Variants in APOBEC1 observed in about 807,000 individuals in gnomAD.
APOBEC1 encodes C->U-editing enzyme APOBEC-1.
APOBEC1 carries 22 observed loss-of-function variants against 26.3 expected under a neutral mutation model. The ratio of observed to expected loss-of-function variants is 0.84; its 90% CI spans 0.60 to 1.19. The LOEUF (loss-of-function observed/expected upper bound fraction) is 1.19, where lower values mean the gene tolerates loss of function less well. APOBEC1 is among the 50% of genes most tolerant of loss of function. APOBEC1 has a pLI of 0.00. For missense variants in APOBEC1, 253 were observed against 289.0 expected, an observed-to-expected ratio of 0.88 and a Z score of 0.90; for synonymous variants, 77 against 95.3, an observed-to-expected ratio of 0.81 and a Z score of 1.12.
In APOBEC1 at chr12:7,656,015, T is replaced by C. The variant is rs768522008; in HGVS notation, c.17-1383A>G. Among the ~76,000 whole-genome samples the C allele has an allele frequency of 1.6e-4, 24 of 152,246 alleles. 1 individual carries two copies. The South Asian group carries it at 4.3e-3, about 28-fold the overall frequency. On this transcript the variant is annotated intron_variant, in intron 1 of 4. Coordinates refer to ENST00000229304, the MANE Select transcript of APOBEC1 (RefSeq NM_001644.5). The stretch of plus-strand genomic sequence containing the variant: ...AAATTTTATTTCATTTGTTATTTTT[T>C]TTGTGGAGGCGTGTTCTCTCTGTGT...
intron 1 of APOBEC1, 27 bp downstream of exon 1, chr12:7,665,830 C>G: frequency 1.3e-6 from 2 of 1,588,040 alleles, no homozygotes; most frequent in Non-Finnish European, 1.7e-6. Context: ...TTCAAGAATA[C>G]TTGCCAAGCC....
At chr12:7,662,249 C>T (rs934049454) in intron 1 of APOBEC1, among the ~76,000 whole-genome samples, 2 of 151,832 alleles carry the variant, frequency 1.3e-5, no homozygotes, top group Non-Finnish European at 2.9e-5. Flanking sequence ...GGCGACAGAG[C>T]AAGACGTTGT....
intron 1 of APOBEC1, among the ~76,000 whole-genome samples, chr12:7,665,299 T>A (rs1281954755): frequency 1.3e-5 from 2 of 151,690 alleles, no homozygotes; most frequent in Non-Finnish European, 2.9e-5. Context: ...TTTACTTAAC[T>A]TTTTTTTTAT....
At chr12:7,668,421 C>G (rs1289902525), upstream of APOBEC1, among the ~76,000 whole-genome samples, 1 of 152,084 alleles carries the variant, frequency 6.6e-6, no homozygotes, top group African/African-American at 2.4e-5. Flanking sequence ...GGACATGCTC[C>G]CAGGAAGTAA....
intron 1 of APOBEC1, 58 bp downstream of exon 1, chr12:7,665,799 A>ACACACACACC (rs1863884801): frequency 7.3e-7 from 1 of 1,361,798 alleles, no homozygotes; most frequent in African/African-American, 1.6e-5. Context: ...ACACACACAC[A>ACACACACACC]CACACACCAT....
chr12:7,655,379 G>A (rs1863698777), intron 1 of APOBEC1, among the ~76,000 whole-genome samples: 2 of 151,460 alleles, frequency 1.3e-5, no homozygotes, highest in African/African-American at 4.9e-5. Flanking sequence ...GCTGGGCGTG[G>A]TGGCGCATGC....
chr12:7,652,915 TTTTTA>T (rs1555093598), intron 2 of APOBEC1, 80 bp from the exon 3 acceptor site: 100,254 of 855,986 alleles, frequency 0.12, 5,404 homozygotes, highest in African/African-American at 0.28. Flanking sequence ...CCCTCTTCTT[TTTTTA>T]TTTTATTTTA....
chr12:7,660,469 G>A (rs1863801362), intron 1 of APOBEC1, among the ~76,000 whole-genome samples: 2 of 151,802 alleles, frequency 1.3e-5, no homozygotes, highest in South Asian at 4.2e-4. Context: ...CACTTTGGGA[G>A]GCCTAGGTGG....
chr12:7,664,148 C>G (rs1453991649), intron 1 of APOBEC1, among the ~76,000 whole-genome samples: 2 of 152,102 alleles, frequency 1.3e-5, no homozygotes, highest in South Asian at 2.1e-4. Context: ...AGCCATCACA[C>G]CTGACCTTAA....
upstream of APOBEC1, among the ~76,000 whole-genome samples, chr12:7,666,129 C>G (rs1418218695): frequency 3.3e-5 from 5 of 152,144 alleles, no homozygotes; most frequent in African/African-American, 1.2e-4. Flanking sequence ...GGGTGGATCA[C>G]TGGGTACCAA....
At chr12:7,654,157 A>G (rs191956339) in intron 2 of APOBEC1, among the ~76,000 whole-genome samples, 23 of 152,318 alleles carry the variant, frequency 1.5e-4, no homozygotes, top group Admixed American at 1.4e-3. Context: ...TAATGGCTAT[A>G]AAAGCATGCG....
chr12:7,666,815 G>C (rs1425711503), upstream of APOBEC1, among the ~76,000 whole-genome samples: 1 of 151,988 alleles, frequency 6.6e-6, no homozygotes, highest in Non-Finnish European at 1.5e-5. Flanking sequence ...AAATGAGAAG[G>C]ACCTTGGCCT....
chr12:7,652,015 G>A (rs1227777473), intron 3 of APOBEC1, among the ~76,000 whole-genome samples: 3 of 152,008 alleles, frequency 2.0e-5, no homozygotes, highest in Non-Finnish European at 4.4e-5. Context: ...GTAGAGACGG[G>A]GTTTCACCGT....
chr12:7,659,322 AATAT>A (rs1328982852), intron 1 of APOBEC1, among the ~76,000 whole-genome samples: 879 of 46,218 alleles, frequency 0.019, 27 homozygotes, highest in Middle Eastern at 0.058. Flanking sequence ...AAAAAAAAAA[AATAT>A]ATATATATAT....
upstream of APOBEC1, among the ~76,000 whole-genome samples, chr12:7,668,279 G>A (rs528469186): frequency 1.3e-5 from 2 of 152,172 alleles, no homozygotes; most frequent in Non-Finnish European, 2.9e-5. Flanking sequence ...CTACCCTGAT[G>A]ACACCTTGAT....
chr12:7,661,391 C>T lies in APOBEC1; in HGVS notation c.16+4466G>A, dbSNP rs145940868. ...TATATACCCTTGTAACAAATCTGCA[C>T]GTGTACCCCATGAATCTGAAATAAA... is the stretch of plus-strand genomic sequence containing the variant. On this transcript the variant is annotated intron_variant, in intron 1 of 4. Coordinates refer to ENST00000229304, the MANE Select transcript of APOBEC1 (RefSeq NM_001644.5). Among the ~76,000 whole-genome samples, 690 of 151,072 alleles carry T rather than the reference C, an allele frequency of 4.6e-3. 5 individuals carry two copies. The highest frequency in any genetic ancestry group is 0.016 in the African/African-American group (646 of 41,142).
At chr12:7,657,747 A>G (rs995741500) in intron 1 of APOBEC1, among the ~76,000 whole-genome samples, 8 of 152,024 alleles carry the variant, frequency 5.3e-5, no homozygotes, top group Non-Finnish European at 1.2e-4. Context: ...GTAGTGGTGC[A>G]TGCCTGTAGT....
rs191516610 is a variant in APOBEC1, at chr12:7,660,162, G to A, written c.17-5530C>T. ...TACTAAAAATACAAAAATTAGCCAG[G>A]TGTGGTGGCAGGCACCTGTAATCCC... On this transcript the variant is annotated intron_variant, in intron 1 of 4. Coordinates refer to ENST00000229304, the MANE Select transcript of APOBEC1 (RefSeq NM_001644.5). Among the ~76,000 whole-genome samples the A allele has an allele frequency of 2.6e-5, 4 of 151,172 alleles. No homozygotes were observed. The South Asian group carries it at 8.3e-4, about 31-fold the overall frequency.
chr12:7,669,606 A>T (rs1003157146), upstream of APOBEC1, among the ~76,000 whole-genome samples: 4 of 152,086 alleles, frequency 2.6e-5, no homozygotes, highest in African/African-American at 9.7e-5. Flanking sequence ...GGGTCTCACT[A>T]TATTGCCCAA....
Sources: allele counts gnomAD v4.1 joint callset (sites outside exome capture counted in the v4.1 genomes callset), GRCh38; gene constraint gnomAD v4.1.1; transcripts MANE v1.5; gene names NCBI Gene and HGNC (gene_info 2026-07-23, HGNC 2026-07-21).